The following LARP1B variants were observed in gnomAD, a reference collection of about 807,000 sequenced individuals.
The protein encoded by LARP1B is la-related protein 1B.
Under a neutral mutation model 114.2 loss-of-function variants are expected in LARP1B, and 76 were observed. The ratio of observed to expected loss-of-function variants is 0.67; its 90% CI spans 0.55 to 0.81. The LOEUF (loss-of-function observed/expected upper bound fraction) is 0.81, where lower values mean the gene tolerates loss of function less well. Among genes scored for constraint, LARP1B ranks in the 30% least tolerant of loss-of-function variants. The pLI is 0.00. For synonymous variants in LARP1B, 345 were observed against 348.0 expected, an observed-to-expected ratio of 0.99 and a Z score of 0.10; for missense variants, 1,014 against 1,075.8, an observed-to-expected ratio of 0.94 and a Z score of 0.80.
intron 3 of LARP1B, among the ~76,000 whole-genome samples, chr4:128,075,262 C>G (rs372565824): frequency 1.3e-5 from 2 of 151,786 alleles, no homozygotes; most frequent in African/African-American, 4.8e-5. Context: ...CCACTGTGCA[C>G]AGCTAATTTT....
In LARP1B at chr4:128,143,796, G is replaced by GGT. The variant is rs72408437; in HGVS notation, c.1525-18377_1525-18376dup. 6.2e-3 allele frequency among the ~76,000 whole-genome samples: 923 copies of GGT among 147,916 alleles called. 3 individuals are homozygous for GGT. The highest frequency in any genetic ancestry group is 0.011 in the African/African-American group (463 of 40,362). On this transcript the variant is annotated intron_variant, in intron 11 of 19. Transcript: ENST00000326639. ...TGAACATAGATAAGTTAAGGCACAGGGTGTGTGTGTGTGTGTGTGTGTATC... is the reference window on the plus strand; with the variant it reads ...TGAACATAGATAAGTTAAGGCACAGGGTGTGTGTGTGTGTGTGTGTGTGTATC...
chr4:128,094,400 CTTTTTTTTTTTT>C (rs776529101), intron 7 of LARP1B, among the ~76,000 whole-genome samples: 1 of 128,742 alleles, frequency 7.8e-6, no homozygotes, highest in Non-Finnish European at 1.6e-5. Flanking sequence ...TTTTCTTTTT[CTTTTTTTTTTTT>C]TTTTTTGAGA....
At chr4:128,176,285 G>GTA (rs71587371) in intron 12 of LARP1B, among the ~76,000 whole-genome samples, 1,493 of 138,252 alleles carry the variant, frequency 0.011, 9 homozygotes, top group African/African-American at 0.022. Flanking sequence ...GTGTGTGTGT[G>GTA]TATATATATA....
At chr4:128,086,695 C>A (rs578164616) in intron 5 of LARP1B, among the ~76,000 whole-genome samples, 1 of 152,202 alleles carries the variant, frequency 6.6e-6, no homozygotes, top group East Asian at 1.9e-4. Context: ...TGATTAGATT[C>A]AGGCTTATTT....
intron 8 of LARP1B, among the ~76,000 whole-genome samples, chr4:128,103,608 G>A (rs914740704): frequency 3.4e-5 from 5 of 148,746 alleles, no homozygotes. Flanking sequence ...TGTCACCCAG[G>A]TTGGAGTGCG....
intron 10 of LARP1B, among the ~76,000 whole-genome samples, chr4:128,116,502 T>A (rs1167617364): frequency 3.9e-5 from 6 of 152,088 alleles, no homozygotes; most frequent in Admixed American, 1.3e-4. Flanking sequence ...GGATGGAAGG[T>A]ATTGAGAGGA....
intron 3 of LARP1B, among the ~76,000 whole-genome samples, chr4:128,076,677 A>G (rs984060664): frequency 9.2e-5 from 14 of 152,260 alleles, no homozygotes; most frequent in African/African-American, 1.7e-4. Flanking sequence ...TTGCACTTCT[A>G]TCAGCAGTGT....
At chr4:128,145,567 C>A (rs1006823700) in intron 11 of LARP1B, among the ~76,000 whole-genome samples, 2 of 152,190 alleles carry the variant, frequency 1.3e-5, no homozygotes, top group African/African-American at 4.8e-5. Context: ...CCCCCCTCTT[C>A]CCTGCATAGA....
chr4:128,142,486 T>A (rs1728465801), intron 11 of LARP1B, among the ~76,000 whole-genome samples: 1 of 151,536 alleles, frequency 6.6e-6, no homozygotes, highest in Admixed American at 6.6e-5. Context: ...CCATTATTAG[T>A]CCTCTTATGT....
rs565540498 is a variant in LARP1B at position 128,119,659 on chromosome 4, G to A, written c.1162-2167G>A. 3.7e-4 allele frequency among the ~76,000 whole-genome samples: 56 copies of A among 152,200 alleles called. 1 individual carries two copies. In the South Asian group the frequency reaches 5.8e-3, roughly 16 times the overall value. On this transcript the variant is annotated intron_variant, in intron 10 of 19. Coordinates refer to ENST00000326639, the MANE Select transcript of LARP1B (RefSeq NM_018078.4). The stretch of plus-strand genomic sequence containing the variant: ...TCTCAAAACTTTCTAGAACCCTGGC[G>A]GGATCAATGGCTTTTGCTTCCCCTT...
At chr4:128,179,314 G>T in intron 14 of LARP1B, 92 bp from the exon 15 acceptor site, 2 of 714,204 alleles carry the variant, frequency 2.8e-6, no homozygotes, top group Non-Finnish European at 4.5e-6. Context: ...GTATGAAAAT[G>T]TTTGAGTTCA....
At chr4:128,147,654 G>A (rs1730944944) in intron 11 of LARP1B, among the ~76,000 whole-genome samples, 1 of 152,148 alleles carries the variant, frequency 6.6e-6, no homozygotes. Flanking sequence ...GTGGATTGAA[G>A]AGTACTTTTT....
Position 128,061,317 on chromosome 4 carries a change from C to G in LARP1B, c.-162C>G, listed in dbSNP as rs956343901. ...GTCTCCACGCCTCCGCGGGCAGTTA[C>G]CAGCTTTGGCTGCTCGCGCCTCCCC... On this transcript the variant is annotated 5_prime_UTR_variant, in exon 1 of 20. Coordinates refer to ENST00000326639, the MANE Select transcript of LARP1B (RefSeq NM_018078.4). The G allele has an allele frequency of 5.3e-5, 8 of 152,310 alleles. No individual in the cohort carries two copies. The highest frequency in any genetic ancestry group is 1.9e-4 in the African/African-American group (8 of 41,452). The allele number at this position is 152,310 out of a possible 1,614,324, so 9.4% of individuals were successfully genotyped here. A position where few individuals can be genotyped will look rare whatever the true frequency, so the allele number is the denominator to read the frequency against.
In LARP1B at chr4:128,211,465, A is replaced by G. The variant is rs1043266846; in HGVS notation, c.*1412A>G. ...CATTAAGTTATTTCTCATGATAAGT[A>G]ATAATCAGCAGTTTTATAATATTTA... is the stretch of plus-strand genomic sequence containing the variant. On this transcript the variant is annotated 3_prime_UTR_variant, in exon 20 of 20. Coordinates refer to ENST00000326639, the MANE Select transcript of LARP1B (RefSeq NM_018078.4). 1.1e-6 allele frequency: 1 copy of G among 916,206 alleles called. No individual in the cohort carries two copies. The highest frequency in any genetic ancestry group is 1.8e-5 in the African/African-American group (1 of 55,708). 56.8% of individuals were successfully genotyped at this position (916,206 alleles called of 1,614,324 possible).
chr4:128,207,660 A>T (rs1757958738), intron 19 of LARP1B, among the ~76,000 whole-genome samples: 1 of 152,182 alleles, frequency 6.6e-6, no homozygotes, highest in African/African-American at 2.4e-5. Flanking sequence ...AGATTTATTA[A>T]TTTTTACCTG....
chr4:128,169,317 A>G (rs1742509182), intron 12 of LARP1B, among the ~76,000 whole-genome samples: 1 of 151,648 alleles, frequency 6.6e-6, no homozygotes, highest in African/African-American at 2.4e-5. Context: ...TAGATCATTT[A>G]TTTGACACCA....
At chr4:128,187,943 T>C (rs1285593171) in intron 15 of LARP1B, among the ~76,000 whole-genome samples, 1 of 152,046 alleles carries the variant, frequency 6.6e-6, no homozygotes, top group African/African-American at 2.4e-5. Context: ...GAAGTGCTGC[T>C]CCCCCTGCCT....
intron 12 of LARP1B, 52 bp downstream of exon 12, chr4:128,162,369 G>T: frequency 1.3e-6 from 2 of 1,482,254 alleles, no homozygotes; most frequent in South Asian, 1.4e-5. Flanking sequence ...AAGCAGTTCT[G>T]AATTGTTTTT....
Position 128,114,621 on chromosome 4 carries a change from A to AG in LARP1B, c.1040_1041insG (p.Asn347LysfsTer3). On this transcript the variant is annotated frameshift_variant, in exon 10 of 20. Transcript: ENST00000326639. LOFTEE classifies it high-confidence loss of function. ...GGAAGCCCATTGAGCCCAAAGAAAA[A>AG]CAGTGAAACAAGTATTCTTCAAGCA... 6.2e-7 allele frequency: 1 copy of AG among 1,613,924 alleles called. No homozygotes were observed. Among genetic ancestry groups the AG allele is most frequent in the Non-Finnish European group, 8.5e-7 (1 of 1,179,886 alleles).
Sources: gnomAD v4.1 joint callset for allele counts (sites outside exome capture counted in the v4.1 genomes callset) on GRCh38, gnomAD v4.1.1 for gene constraint, MANE v1.5 for transcripts, NCBI Gene and HGNC (gene_info 2026-07-23, HGNC 2026-07-21) for gene names.